The following FIGN variants were observed in gnomAD, a reference collection of about 807,000 sequenced individuals.
FIGN encodes the protein fidgetin, microtubule severing factor, also known as fidgetin.
A neutral mutation model predicts 51.3 loss-of-function variants in FIGN; 11 were observed. The ratio of observed to expected loss-of-function variants is 0.21; its 90% CI spans 0.13 to 0.35. The LOEUF (loss-of-function observed/expected upper bound fraction) is 0.35, where lower values mean the gene tolerates loss of function less well. Among genes scored for constraint, FIGN ranks in the 10% least tolerant of loss-of-function variants. The probability of loss-of-function intolerance (pLI) is 1.00; values close to 1 mark genes in which losing one functional copy is unlikely to be tolerated. For missense variants in FIGN, 857 were observed against 943.6 expected (o/e 0.91, Z 1.20); for synonymous variants, 407 against 363.2 (o/e 1.12, Z -1.37).
chr2:163,699,383 A>G (rs1227621434), intron 2 of FIGN, among the ~76,000 whole-genome samples: 1 of 152,190 alleles, frequency 6.6e-6, no homozygotes, highest in Non-Finnish European at 1.5e-5. Flanking sequence ...AACGATTTAC[A>G]TGTTCAAAAC....
At chr2:163,651,296 A>C (rs1487424481) in intron 2 of FIGN, among the ~76,000 whole-genome samples, 2 of 152,132 alleles carry the variant, frequency 1.3e-5, no homozygotes, top group Non-Finnish European at 2.9e-5. Flanking sequence ...CCCCGTCTCT[A>C]CTAAAAATAC....
intron 2 of FIGN, among the ~76,000 whole-genome samples, chr2:163,695,474 A>G (rs949432902): frequency 6.6e-6 from 1 of 152,110 alleles, no homozygotes; most frequent in African/African-American, 2.4e-5. Context: ...TAAGAAAATC[A>G]TCCTTGATTC....
intron 2 of FIGN, among the ~76,000 whole-genome samples, chr2:163,656,409 T>C (rs75150945): frequency 1.5e-4 from 23 of 152,298 alleles, no homozygotes; most frequent in African/African-American, 5.3e-4. Context: ...GAAGGTATCC[T>C]ATAAGAGCAT....
rs918946939 is a variant in FIGN, at chr2:163,610,051, T to C, written c.1781A>G (p.Gln594Arg). Residue 594 changes from glutamine (Q) to arginine (R), a missense_variant, in exon 3 of 3, where the codon CAA becomes CGA. Physicochemically the swap from Gln to Arg is conservative, Grantham distance 43. Transcript: ENST00000333129. ...GACTGGACTATGTTCCTCATTCACT[T>C]GAGAGGAGAGAAGCATGTCAATGTC... ...VSDIDMLLSS[Q>R]VNEEHSPVSR... The C allele has an allele frequency of 6.2e-7, 1 of 1,614,024 alleles. No individual in the cohort carries two copies.
At chr2:163,617,106 A>G (rs901298081) in intron 2 of FIGN, 1 of 985,244 alleles carries the variant, frequency 1.0e-6, no homozygotes, top group Non-Finnish European at 1.2e-6. Context: ...TAGTATTACT[A>G]GTACTAACTC....
intron 2 of FIGN, among the ~76,000 whole-genome samples, chr2:163,654,878 T>G (rs999818113): frequency 3.3e-5 from 5 of 152,016 alleles, no homozygotes; most frequent in Non-Finnish European, 5.9e-5. Context: ...GTTGTAAATG[T>G]GAAAAAAGAG....
chr2:163,660,670 C>CACAT (rs1553498178), intron 2 of FIGN, among the ~76,000 whole-genome samples: 1 of 54,100 alleles, frequency 1.8e-5, no homozygotes. Context: ...TATACATATA[C>CACAT]ATATATATAT....
intron 2 of FIGN, among the ~76,000 whole-genome samples, chr2:163,704,662 A>T (rs2015059): frequency 0.38 from 23,271 of 60,624 alleles, 2,137 homozygotes; most frequent in Non-Finnish European, 0.44. Flanking sequence ...TCTCTCACAC[A>T]CACACACACA....
chr2:163,669,103 C>T (rs1041822923), intron 2 of FIGN, among the ~76,000 whole-genome samples: 7 of 150,334 alleles, frequency 4.7e-5, no homozygotes, highest in Admixed American at 2.6e-4. Flanking sequence ...TTGATAACTC[C>T]TTTTACTCAT....
At chr2:163,704,459 T>C (rs1421237399) in intron 2 of FIGN, among the ~76,000 whole-genome samples, 1 of 152,016 alleles carries the variant, frequency 6.6e-6, no homozygotes, top group African/African-American at 2.4e-5. Context: ...AAATCTGAAA[T>C]TCATTTTTCC....
chr2:163,682,648 T>C (rs1228391224), intron 2 of FIGN, among the ~76,000 whole-genome samples: 1 of 152,212 alleles, frequency 6.6e-6, no homozygotes, highest in African/African-American at 2.4e-5. Flanking sequence ...TGATTGCTTT[T>C]ATAGGTGAAA....
chr2:163,696,959 C>T (rs1291068885), intron 2 of FIGN, among the ~76,000 whole-genome samples: 2 of 151,562 alleles, frequency 1.3e-5, no homozygotes, highest in African/African-American at 2.4e-5. Flanking sequence ...GTATGAGCCA[C>T]AGCGCCCAGC....
At chr2:163,698,509 C>T (rs1057122008) in intron 2 of FIGN, among the ~76,000 whole-genome samples, 3 of 152,032 alleles carry the variant, frequency 2.0e-5, no homozygotes, top group Non-Finnish European at 4.4e-5. Flanking sequence ...ATTCCCCCCA[C>T]CCTACAAAAC....
intron 2 of FIGN, among the ~76,000 whole-genome samples, chr2:163,708,677 T>C (rs1387163913): frequency 6.6e-6 from 1 of 152,154 alleles, no homozygotes; most frequent in Non-Finnish European, 1.5e-5. Flanking sequence ...TCGATTTTTA[T>C]TCAAACAGCT....
In FIGN at chr2:163,609,504, ATG is replaced by A; in HGVS notation, c.*46_*47del. On this transcript the variant is annotated 3_prime_UTR_variant, in exon 3 of 3. Coordinates refer to ENST00000333129, the MANE Select transcript of FIGN (RefSeq NM_018086.4). The stretch of plus-strand genomic sequence containing the variant: ...CTCTATTCCCTATGTAGCAGGTTTT[ATG>A]TGTGTGTGCCAACATTCATTACATT... 6.6e-7 allele frequency: 1 copy of A among 1,517,480 alleles called. No individual in the cohort carries two copies. The highest frequency in any genetic ancestry group is 8.9e-7 in the Non-Finnish European group (1 of 1,119,448). The allele number at this position is 1,517,480 out of a possible 1,614,324, so 94.0% of individuals were successfully genotyped here.
At chr2:163,647,465 G>T (rs1252759508) in intron 2 of FIGN, among the ~76,000 whole-genome samples, 1 of 152,132 alleles carries the variant, frequency 6.6e-6, no homozygotes, top group East Asian at 1.9e-4. Flanking sequence ...CTAGATTAGA[G>T]ATATGGACAG....
At chr2:163,709,401 A>C (rs1416398069) in intron 2 of FIGN, among the ~76,000 whole-genome samples, 1 of 152,192 alleles carries the variant, frequency 6.6e-6, no homozygotes, top group East Asian at 1.9e-4. Context: ...TGATTTGTCT[A>C]AGCTGAAATA....
intron 2 of FIGN, among the ~76,000 whole-genome samples, chr2:163,699,034 C>T (rs1684367214): frequency 6.6e-6 from 1 of 152,032 alleles, no homozygotes; most frequent in Non-Finnish European, 1.5e-5. Context: ...GAGGAAAACC[C>T]TCCCCTTGCC....
chr2:163,680,441 C>T lies in FIGN; in HGVS notation c.25+54462G>A, dbSNP rs146928524. On this transcript the variant is annotated intron_variant, in intron 2 of 2. Transcript: ENST00000333129. ...CTACCTCTGGACTCCTTTTCTGAGA[C>T]AGCCTCAATTCTCTGTAGCAGTAGG... Among the ~76,000 whole-genome samples, 8 of 152,278 alleles carry T rather than the reference C, an allele frequency of 5.3e-5. No individual in the cohort carries two copies. In the East Asian group the frequency reaches 1.5e-3, roughly 29 times the overall value.
Sources: allele counts gnomAD v4.1 joint callset (sites outside exome capture counted in the v4.1 genomes callset), GRCh38; gene constraint gnomAD v4.1.1; transcripts MANE v1.5; gene names NCBI Gene and HGNC (gene_info 2026-07-23, HGNC 2026-07-21).